Variants in PTPRT observed in about 807,000 individuals in gnomAD.
The protein encoded by PTPRT is protein tyrosine phosphatase receptor type T.
PTPRT carries 56 observed loss-of-function variants against 176.8 expected under a neutral mutation model. The observed-to-expected ratio is 0.32, with a 90% confidence interval of 0.26 to 0.40. The LOEUF (loss-of-function observed/expected upper bound fraction) is 0.40. Among genes scored for constraint, PTPRT ranks in the 10% least tolerant of loss-of-function variants. The pLI, the probability that PTPRT is intolerant of heterozygous loss-of-function variation, is 1.00. For missense variants in PTPRT, 1,540 were observed against 1,908.2 expected, an observed-to-expected ratio of 0.81 and a Z score of 3.60; for synonymous variants, 783 against 739.0, an observed-to-expected ratio of 1.06 and a Z score of -0.96.
chr20:42,105,527 G>A (rs1986357744), intron 24 of PTPRT, among the ~76,000 whole-genome samples: 1 of 152,138 alleles, frequency 6.6e-6, no homozygotes, highest in Non-Finnish European at 1.5e-5. Context: ...GTTACTTCTA[G>A]GCCCCAGATA....
chr20:42,141,841 AAAT>A (rs1274187087), intron 18 of PTPRT, 71 bp downstream of exon 18: 31 of 1,319,348 alleles, frequency 2.3e-5, no homozygotes, highest in Non-Finnish European at 2.9e-5. Context: ...AATTCCAGGT[AAAT>A]AATAGTAATA....
intron 1 of PTPRT, among the ~76,000 whole-genome samples, chr20:42,906,061 TA>T (rs895274212): frequency 6.6e-6 from 1 of 151,110 alleles, no homozygotes; most frequent in Non-Finnish European, 1.5e-5. Context: ...TATATATATA[TA>T]AAAAAAAGAA....
intron 13 of PTPRT, among the ~76,000 whole-genome samples, chr20:42,272,547 T>C (rs2056954200): frequency 1.3e-5 from 2 of 152,162 alleles, no homozygotes; most frequent in Admixed American, 1.3e-4. Context: ...TCTTAACTGC[T>C]CTCCCATTCT....
intron 12 of PTPRT, among the ~76,000 whole-genome samples, chr20:42,299,522 G>GAAT (rs1354587099): frequency 6.6e-6 from 1 of 150,912 alleles, no homozygotes; most frequent in Non-Finnish European, 1.5e-5. Context: ...GTAAATATAT[G>GAAT]AATAATAATG....
At chr20:42,496,037 AAAGT>A (rs2071647758) in intron 7 of PTPRT, among the ~76,000 whole-genome samples, 1 of 152,216 alleles carries the variant, frequency 6.6e-6, no homozygotes, top group Non-Finnish European at 1.5e-5. Context: ...TTCTTACAAT[AAAGT>A]AAGCTAGAGA....
intron 17 of PTPRT, among the ~76,000 whole-genome samples, chr20:42,144,918 G>A (rs973022513): frequency 6.6e-6 from 1 of 152,150 alleles, no homozygotes; most frequent in Non-Finnish European, 1.5e-5. Context: ...CCCTCAATAA[G>A]CCCTGTTTTA....
intron 1 of PTPRT, among the ~76,000 whole-genome samples, chr20:43,187,665 C>T (rs774669449): frequency 6.6e-6 from 1 of 152,104 alleles, no homozygotes; most frequent in Non-Finnish European, 1.5e-5. Flanking sequence ...TATGCTATAT[C>T]GCAGGTTTGC....
intron 2 of PTPRT, among the ~76,000 whole-genome samples, chr20:42,803,441 G>A (rs1196427145): frequency 6.6e-6 from 1 of 152,206 alleles, no homozygotes; most frequent in African/African-American, 2.4e-5. Context: ...TGGCGATCAT[G>A]CCAGTTCCTG....
At chr20:42,236,079 C>T (rs371677157) in intron 15 of PTPRT, 150 bp downstream of exon 15, 4 of 609,042 alleles carry the variant, frequency 6.6e-6, no homozygotes, top group African/African-American at 3.8e-5. Flanking sequence ...AAATGTAACA[C>T]ATTTATGCAA....
chr20:42,940,995 T>C lies in PTPRT; in HGVS notation c.89-55063A>G, dbSNP rs561314190. Among the ~76,000 whole-genome samples, 16 of 151,754 alleles carry C rather than the reference T, an allele frequency of 1.1e-4. 1 individual carries two copies. In the East Asian group the frequency reaches 3.1e-3, roughly 30 times the overall value. The stretch of plus-strand genomic sequence containing the variant: ...TACTCAGGAGGCTGAGGCAGAAGAA[T>C]CGCTTGAACCTGGGAGACGGGGGTT... On this transcript the variant is annotated intron_variant, in intron 1 of 30. Transcript: ENST00000373187.
intron 1 of PTPRT, among the ~76,000 whole-genome samples, chr20:43,048,491 C>A (rs1304159082): frequency 1.3e-5 from 2 of 151,962 alleles, no homozygotes; most frequent in Non-Finnish European, 2.9e-5. Flanking sequence ...GAGAGAGGTT[C>A]AGGGGGCCCA....
intron 4 of PTPRT, among the ~76,000 whole-genome samples, chr20:42,775,831 G>A (rs1186391994): frequency 1.3e-5 from 2 of 152,138 alleles, no homozygotes; most frequent in African/African-American, 4.8e-5. Context: ...GGACAGAAAG[G>A]GATAATTAAA....
chr20:42,634,327 A>G (rs2074546709), intron 7 of PTPRT, among the ~76,000 whole-genome samples: 1 of 148,254 alleles, frequency 6.7e-6, no homozygotes, highest in Non-Finnish European at 1.5e-5. Context: ...TTGGTGCACT[A>G]CCCCCTATTT....
chr20:42,554,616 A>G (rs1047328173), intron 7 of PTPRT, among the ~76,000 whole-genome samples: 2 of 152,292 alleles, frequency 1.3e-5, no homozygotes, highest in South Asian at 4.1e-4. Context: ...GTAAAAACTG[A>G]AAACTGAAGT....
At chr20:42,265,599 C>G (rs1238044276) in intron 13 of PTPRT, among the ~76,000 whole-genome samples, 1 of 152,152 alleles carries the variant, frequency 6.6e-6, no homozygotes, top group Non-Finnish European at 1.5e-5. Flanking sequence ...GTCTTCGCCT[C>G]TCTCCATGAA....
intron 18 of PTPRT, 114 bp downstream of exon 18, chr20:42,141,801 G>C (rs1988643928): frequency 9.9e-7 from 1 of 1,011,686 alleles, no homozygotes; most frequent in Admixed American, 1.8e-5. Context: ...TAGATACAAA[G>C]CTAGAGACAG....
At chr20:43,180,470 AT>A (rs3091964) in intron 1 of PTPRT, among the ~76,000 whole-genome samples, 95,372 of 148,434 alleles carry the variant, frequency 0.64, 33,367 homozygotes, top group Non-Finnish European at 0.79. Context: ...ATACACCCAC[AT>A]TTTTTTTTTC....
chr20:42,644,197 G>T (rs1419869497), intron 7 of PTPRT, among the ~76,000 whole-genome samples: 2 of 152,124 alleles, frequency 1.3e-5, no homozygotes, highest in African/African-American at 2.4e-5. Context: ...AGGCCTCATT[G>T]TCTCTGTCAC....
chr20:42,109,180 G>C lies in PTPRT; in HGVS notation c.3254+1153C>G, dbSNP rs534482996. ...ATAAATGGATGCTGTATGAGGACGG[G>C]GCTGGCTCTGAGACATCCACAGCTT... On this transcript the variant is annotated intron_variant, in intron 23 of 30. Coordinates refer to ENST00000373187, the MANE Select transcript of PTPRT (RefSeq NM_007050.6). 3.3e-4 allele frequency among the ~76,000 whole-genome samples: 50 copies of C among 152,322 alleles called. No individual in the cohort carries two copies. In the South Asian group the frequency reaches 9.9e-3, roughly 30 times the overall value.
Sources: gnomAD v4.1 joint callset for allele counts (sites outside exome capture counted in the v4.1 genomes callset) on GRCh38, gnomAD v4.1.1 for gene constraint, MANE v1.5 for transcripts, NCBI Gene and HGNC (gene_info 2026-07-23, HGNC 2026-07-21) for gene names.